The following AGBL4 variants were observed in gnomAD, a reference collection of about 807,000 sequenced individuals.
AGBL4 encodes the protein cytosolic carboxypeptidase 6.
Under a neutral mutation model 66.4 loss-of-function variants are expected in AGBL4, and 58 were observed. The ratio of observed to expected loss-of-function variants is 0.87; its 90% CI spans 0.71 to 1.09. AGBL4 has a LOEUF of 1.09. AGBL4 is among the 50% of genes least tolerant of loss of function. The pLI is 0.00. For synonymous variants in AGBL4, 234 were observed against 222.9 expected, an observed-to-expected ratio of 1.05 and a Z score of -0.44; for missense variants, 579 against 631.0, an observed-to-expected ratio of 0.92 and a Z score of 0.88.
intron 4 of AGBL4, among the ~76,000 whole-genome samples, chr1:49,151,682 A>G (rs1329421900): frequency 1.3e-5 from 2 of 152,140 alleles, no homozygotes; most frequent in Non-Finnish European, 1.5e-5. Context: ...GAGAGGGTCT[A>G]TAATCAAATA....
At chr1:49,628,213 G>T (rs1181578336) in intron 3 of AGBL4, among the ~76,000 whole-genome samples, 2 of 152,052 alleles carry the variant, frequency 1.3e-5, no homozygotes, top group African/African-American at 4.8e-5. Flanking sequence ...TCCTTTTGCA[G>T]CTCACCGTAA....
At chr1:48,834,576 C>A (rs112199373) in intron 6 of AGBL4, among the ~76,000 whole-genome samples, 4 of 152,056 alleles carry the variant, frequency 2.6e-5, no homozygotes, top group Admixed American at 1.3e-4. Context: ...GACCAGAAAT[C>A]TTTTTCTCTT....
At chr1:49,897,217 G>A (rs1402930238) in intron 1 of AGBL4, among the ~76,000 whole-genome samples, 1 of 151,802 alleles carries the variant, frequency 6.6e-6, no homozygotes, top group Non-Finnish European at 1.5e-5. Context: ...AAAACCTAAG[G>A]ACTCCACCAG....
chr1:48,540,360 C>T (rs1644046607), intron 11 of AGBL4, among the ~76,000 whole-genome samples: 1 of 152,158 alleles, frequency 6.6e-6, no homozygotes, highest in Non-Finnish European at 1.5e-5. Flanking sequence ...CCATTAACAC[C>T]TTAATGTGAA....
chr1:48,971,206 T>A (rs572029318), intron 5 of AGBL4, among the ~76,000 whole-genome samples: 1 of 152,110 alleles, frequency 6.6e-6, no homozygotes, highest in Non-Finnish European at 1.5e-5. Flanking sequence ...GAATTACTGC[T>A]TGAGCTCTGC....
intron 4 of AGBL4, among the ~76,000 whole-genome samples, chr1:49,057,407 C>A (rs533007335): frequency 1.3e-5 from 2 of 152,130 alleles, no homozygotes; most frequent in East Asian, 3.9e-4. Context: ...AACAATAAAA[C>A]CCTGTCTCAA....
chr1:49,492,401 C>T (rs1647207905), intron 3 of AGBL4, among the ~76,000 whole-genome samples: 1 of 151,882 alleles, frequency 6.6e-6, no homozygotes, highest in African/African-American at 2.4e-5. Flanking sequence ...GAATTGTTTA[C>T]TTTTGAAATT....
chr1:49,006,211 C>T (rs1214528216), intron 5 of AGBL4, among the ~76,000 whole-genome samples: 5 of 152,024 alleles, frequency 3.3e-5, no homozygotes, highest in South Asian at 2.1e-4. Context: ...TTGCCTCACT[C>T]GGGAAGCGCA....
chr1:49,985,161 C>T (rs916818777), intron 1 of AGBL4, among the ~76,000 whole-genome samples: 1 of 152,058 alleles, frequency 6.6e-6, no homozygotes, highest in African/African-American at 2.4e-5. Flanking sequence ...GCATAGTATC[C>T]AACACTTAGT....
intron 3 of AGBL4, among the ~76,000 whole-genome samples, chr1:49,514,394 G>A (rs932897219): frequency 2.0e-5 from 3 of 151,896 alleles, no homozygotes; most frequent in South Asian, 2.1e-4. Context: ...AGAGGATAGA[G>A]ACAAATGGAA....
At chr1:49,565,088 G>C (rs1644159205) in intron 3 of AGBL4, among the ~76,000 whole-genome samples, 1 of 152,116 alleles carries the variant, frequency 6.6e-6, no homozygotes, top group African/African-American at 2.4e-5. Flanking sequence ...TTTGATCTTT[G>C]TTGGTTTAAA....
intron 6 of AGBL4, chr1:48,758,982 G>C: frequency 1.2e-6 from 2 of 1,613,222 alleles, no homozygotes; most frequent in Non-Finnish European, 8.5e-7. Flanking sequence ...CAAGTGCCCC[G>C]TACTCCTTGA....
At chr1:49,765,373 A>G (rs1415981942) in intron 2 of AGBL4, among the ~76,000 whole-genome samples, 2 of 152,098 alleles carry the variant, frequency 1.3e-5, no homozygotes, top group African/African-American at 2.4e-5. Flanking sequence ...ACCCTACTCA[A>G]CATACTCTAC....
chr1:49,533,692 T>TGC (rs1651325892), intron 3 of AGBL4, among the ~76,000 whole-genome samples: 1 of 152,188 alleles, frequency 6.6e-6, no homozygotes, highest in Non-Finnish European at 1.5e-5. Context: ...GATTTCTGTA[T>TGC]GCCTTGCTGA....
At chr1:48,968,474 T>C (rs981047490) in intron 5 of AGBL4, among the ~76,000 whole-genome samples, 2 of 152,132 alleles carry the variant, frequency 1.3e-5, no homozygotes, top group Non-Finnish European at 2.9e-5. Context: ...GAGGGGCATC[T>C]AAACAGACTG....
At chr1:49,068,138 G>T (rs1571365589) in intron 4 of AGBL4, among the ~76,000 whole-genome samples, 1 of 152,238 alleles carries the variant, frequency 6.6e-6, no homozygotes, top group East Asian at 1.9e-4. Context: ...TAGATATAAA[G>T]GTGGATAAGA....
intron 6 of AGBL4, among the ~76,000 whole-genome samples, chr1:48,819,904 G>C (rs566437583): frequency 6.6e-6 from 1 of 152,234 alleles, no homozygotes; most frequent in East Asian, 1.9e-4. Flanking sequence ...GATTCAAATG[G>C]TTCTTCTATT....
chr1:49,022,595 C>A (rs952666879), intron 5 of AGBL4, among the ~76,000 whole-genome samples: 1 of 152,022 alleles, frequency 6.6e-6, no homozygotes, highest in African/African-American at 2.4e-5. Context: ...GCTTATCTAG[C>A]AGTAATGAGT....
chr1:49,721,197 C>T (rs1333857264), intron 2 of AGBL4, among the ~76,000 whole-genome samples: 1 of 152,094 alleles, frequency 6.6e-6, no homozygotes, highest in East Asian at 1.9e-4. Context: ...TCTGATAAGA[C>T]AAAAACAGAA....
Sources: gnomAD v4.1 joint callset for allele counts (sites outside exome capture counted in the v4.1 genomes callset) on GRCh38, gnomAD v4.1.1 for gene constraint, MANE v1.5 for transcripts, NCBI Gene and HGNC (gene_info 2026-07-23, HGNC 2026-07-21) for gene names.